The following SPATA18 variants were observed in gnomAD, a reference collection of about 807,000 sequenced individuals.
The protein encoded by SPATA18 is spermatogenesis associated 18, also known as mitochondria-eating protein.
A neutral mutation model predicts 68.1 loss-of-function variants in SPATA18; 54 were observed. The ratio of observed to expected loss-of-function variants is 0.79; its 90% CI spans 0.64 to 0.99. SPATA18 has a LOEUF of 0.99. Ranked by LOEUF, SPATA18 falls within the 50% of genes least tolerant of loss-of-function variation. SPATA18 has a pLI of 0.00. For synonymous variants in SPATA18, 242 were observed against 244.8 expected (o/e 0.99, Z 0.11); for missense variants, 724 against 681.1 (o/e 1.06, Z -0.70).
At chr4:52,069,752 C>T in intron 4 of SPATA18, 69 bp from the exon 5 acceptor site, 2 of 1,172,292 alleles carry the variant, frequency 1.7e-6, no homozygotes, top group Non-Finnish European at 2.4e-6. Context: ...CCTAAGTGAG[C>T]CTCTGCCTTG....
chr4:52,089,740 C>T (rs1056528358), intron 11 of SPATA18, among the ~76,000 whole-genome samples: 14 of 151,904 alleles, frequency 9.2e-5, no homozygotes, highest in South Asian at 6.2e-4. Context: ...TATCTGGTGC[C>T]GAGAAGAATG....
chr4:52,055,961 C>G lies in SPATA18; in HGVS notation c.87+4170C>G, dbSNP rs1738302726. On this transcript the variant is annotated intron_variant, in intron 1 of 12. Transcript: ENST00000295213. ...ATAAAATTTCTTGAGAGTATAAATGCATGAATAAACCATGCCCTTCTGCTT... is the reference window on the plus strand; with the variant it reads ...ATAAAATTTCTTGAGAGTATAAATGGATGAATAAACCATGCCCTTCTGCTT... Among the ~76,000 whole-genome samples, 4 of 152,194 alleles carry G rather than the reference C, an allele frequency of 2.6e-5. No individual in the cohort carries two copies. The South Asian group carries it at 8.3e-4, about 31-fold the overall frequency.
intron 1 of SPATA18, among the ~76,000 whole-genome samples, chr4:52,058,567 C>T (rs999148870): frequency 6.6e-6 from 1 of 152,064 alleles, no homozygotes; most frequent in Non-Finnish European, 1.5e-5. Context: ...GTCACAGAAC[C>T]TTTGTCCTTG....
At chr4:52,057,973 T>A (rs1738493404) in intron 1 of SPATA18, among the ~76,000 whole-genome samples, 1 of 152,240 alleles carries the variant, frequency 6.6e-6, no homozygotes. Flanking sequence ...TACTCAGGTT[T>A]GCTTGACTCC....
rs755990829 is a variant in SPATA18, at chr4:52,062,276, A to G, written c.366A>G (p.Gln122=). The G allele has an allele frequency of 6.2e-7, 1 of 1,611,084 alleles. No individual in the cohort carries two copies. The highest frequency in any genetic ancestry group is 8.5e-7 in the Non-Finnish European group (1 of 1,178,474). ...CCAGTCCTCGGGATCGGGATATGCAACAGTTAGACTCTAATTTGAACTCAA... is the reference window on the plus strand; with the variant it reads ...CCAGTCCTCGGGATCGGGATATGCAGCAGTTAGACTCTAATTTGAACTCAA... ...KDPSPRDRDM[Q]QLDSNLNSTR... The change falls in exon 4 of 13, where the codon CAA becomes CAG. Residue 122 remains glutamine, a synonymous_variant. Coordinates refer to ENST00000295213, the MANE Select transcript of SPATA18 (RefSeq NM_145263.4).
intron 1 of SPATA18, among the ~76,000 whole-genome samples, chr4:52,059,646 A>G (rs1432308967): frequency 6.6e-6 from 1 of 152,228 alleles, no homozygotes; most frequent in Non-Finnish European, 1.5e-5. Flanking sequence ...ACTCTTGGGT[A>G]GAGCTTGCGC....
At chr4:52,090,759 G>A (rs1336009890) in intron 11 of SPATA18, among the ~76,000 whole-genome samples, 3 of 152,092 alleles carry the variant, frequency 2.0e-5, no homozygotes, top group African/African-American at 7.2e-5. Flanking sequence ...TGACGATTAT[G>A]TGTCTTGGGG....
chr4:52,072,500 T>G (rs182171241), intron 6 of SPATA18, among the ~76,000 whole-genome samples: 1 of 152,246 alleles, frequency 6.6e-6, no homozygotes, highest in East Asian at 1.9e-4. Flanking sequence ...CCTCTTGGGT[T>G]CAAGTGATTC....
intron 5 of SPATA18, among the ~76,000 whole-genome samples, chr4:52,070,885 G>A (rs879299547): frequency 6.6e-6 from 1 of 151,794 alleles, no homozygotes; most frequent in Non-Finnish European, 1.5e-5. Flanking sequence ...GTAAGTGGGG[G>A]GGGGGGTGTT....
At position 52,060,099 on chromosome 4, in the gene SPATA18, A is replaced by T. The variant is rs73148350; in HGVS notation, c.88-320A>T. Among the ~76,000 whole-genome samples the T allele has an allele frequency of 3.3e-3, 499 of 152,292 alleles. 4 individuals carry two copies. The highest frequency in any genetic ancestry group is 0.012 in the African/African-American group (480 of 41,560). The stretch of plus-strand genomic sequence containing the variant: ...CAGCATCCTCTCTTGGCTCTTCTGC[A>T]TTCAGTTGGCAGAAGGGAAAAGAAA... On this transcript the variant is annotated intron_variant, in intron 1 of 12. Transcript: ENST00000295213.
intron 1 of SPATA18, among the ~76,000 whole-genome samples, 184 bp downstream of exon 1, chr4:52,051,975 C>T (rs777428158): frequency 1.3e-5 from 2 of 152,168 alleles, no homozygotes; most frequent in Non-Finnish European, 2.9e-5. Context: ...GTGTACATGC[C>T]CTTGTCTCAG....
chr4:52,061,861 G>T (rs944072425), intron 3 of SPATA18, among the ~76,000 whole-genome samples: 3 of 152,086 alleles, frequency 2.0e-5, no homozygotes, highest in Non-Finnish European at 4.4e-5. Flanking sequence ...CTCTGTGTGG[G>T]TGTTATTCTA....
At chr4:52,091,577 G>C (rs912637049) in intron 11 of SPATA18, among the ~76,000 whole-genome samples, 1 of 152,186 alleles carries the variant, frequency 6.6e-6, no homozygotes, top group Admixed American at 6.5e-5. Context: ...TCCCAACCCT[G>C]TTTGCCTGGG....
chr4:52,086,600 C>A (rs1578198916), intron 11 of SPATA18, among the ~76,000 whole-genome samples: 1 of 152,108 alleles, frequency 6.6e-6, no homozygotes, highest in South Asian at 2.1e-4. Context: ...TAAATTCATC[C>A]TTTTTTATGG....
At chr4:52,076,028 G>A (rs938990440) in intron 6 of SPATA18, among the ~76,000 whole-genome samples, 1 of 152,218 alleles carries the variant, frequency 6.6e-6, no homozygotes, top group African/African-American at 2.4e-5. Context: ...ATTAGAAAAG[G>A]GACATGAACT....
intron 11 of SPATA18, 65 bp downstream of exon 11, chr4:52,085,064 T>C: frequency 1.7e-6 from 2 of 1,146,002 alleles, no homozygotes; most frequent in South Asian, 1.4e-5. Context: ...TTTTTTTTGC[T>C]TCAGCAATAC....
intron 7 of SPATA18, among the ~76,000 whole-genome samples, chr4:52,077,414 TC>T (rs1740485515): frequency 9.8e-6 from 1 of 102,304 alleles, no homozygotes; most frequent in Non-Finnish European, 2.7e-5. Flanking sequence ...ATTGTTTCCT[TC>T]CTCTCTCTCC....
chr4:52,076,834 A>G lies in SPATA18; in HGVS notation c.814A>G (p.Ser272Gly). Reference protein sequence around the residue: ...PAPRSRSCSRSRSASPSTAVK... With the variant: ...PAPRSRSCSRGRSASPSTAVK... ...CCCTCGCAGCCGTAGCTGCAGCCGC[A>G]GCAGATCTGCCAGCCCCTCCACCGC... The change falls in exon 7 of 13, where the codon AGC becomes GGC. Residue 272 changes from serine (S) to glycine (G), a missense_variant. By Grantham distance (56) the Ser-to-Gly change is moderately conservative (BLOSUM62 0). Coordinates refer to ENST00000295213, the MANE Select transcript of SPATA18 (RefSeq NM_145263.4). The G allele has an allele frequency of 6.2e-7, 1 of 1,614,170 alleles. No homozygotes were observed. The highest frequency in any genetic ancestry group is 1.7e-5 in the Admixed American group (1 of 60,020).
intron 6 of SPATA18, among the ~76,000 whole-genome samples, chr4:52,074,500 G>A (rs928940067): frequency 1.3e-5 from 2 of 152,146 alleles, no homozygotes; most frequent in African/African-American, 4.8e-5. Context: ...GCAATGGATA[G>A]GATATAAGTG....
Sources: allele counts gnomAD v4.1 joint callset (sites outside exome capture counted in the v4.1 genomes callset), GRCh38; gene constraint gnomAD v4.1.1; transcripts MANE v1.5; gene names NCBI Gene and HGNC (gene_info 2026-07-23, HGNC 2026-07-21).